Variants in PRKAR2B observed in about 807,000 individuals in gnomAD.
PRKAR2B encodes the protein cAMP-dependent protein kinase type II-beta regulatory subunit.
PRKAR2B carries 14 observed loss-of-function variants against 49.9 expected under a neutral mutation model. The ratio of observed to expected loss-of-function variants is 0.28; its 90% CI spans 0.19 to 0.44. The LOEUF (loss-of-function observed/expected upper bound fraction) is 0.44. PRKAR2B is among the 20% of genes least tolerant of loss of function. The pLI is 1.00. For synonymous variants in PRKAR2B, 196 were observed against 197.7 expected (o/e 0.99, Z 0.07); for missense variants, 393 against 537.9 (o/e 0.73, Z 2.67).
intron 2 of PRKAR2B, among the ~76,000 whole-genome samples, chr7:107,093,889 A>G (rs940149362): frequency 6.6e-6 from 1 of 152,064 alleles, no homozygotes; most frequent in African/African-American, 2.4e-5. Flanking sequence ...TATGTGCCAC[A>G]TTTCCTTAAT....
chr7:107,099,568 G>A (rs185356727), intron 2 of PRKAR2B, among the ~76,000 whole-genome samples: 11 of 152,006 alleles, frequency 7.2e-5, no homozygotes, highest in Non-Finnish European at 1.0e-4. Context: ...GAAATCACCC[G>A]TCTTCTGCGT....
intron 2 of PRKAR2B, among the ~76,000 whole-genome samples, chr7:107,117,230 A>AT (rs1006863659): frequency 5.3e-5 from 8 of 151,128 alleles, no homozygotes; most frequent in South Asian, 2.1e-4. Context: ...GAAAAAGGTA[A>AT]TTTTTTTTTC....
At chr7:107,112,637 G>A (rs1320703799) in intron 2 of PRKAR2B, among the ~76,000 whole-genome samples, 3 of 151,196 alleles carry the variant, frequency 2.0e-5, no homozygotes, top group African/African-American at 7.3e-5. Flanking sequence ...AGAAAATAAC[G>A]CGTGAAAAAA....
At chr7:107,092,266 T>C (rs1357179808) in intron 2 of PRKAR2B, among the ~76,000 whole-genome samples, 2 of 149,206 alleles carry the variant, frequency 1.3e-5, no homozygotes, top group Admixed American at 6.7e-5. Context: ...TGTGTGTGTG[T>C]GTGCGTGTGT....
At chr7:107,100,683 T>G (rs1373722820) in intron 2 of PRKAR2B, among the ~76,000 whole-genome samples, 1 of 152,158 alleles carries the variant, frequency 6.6e-6, no homozygotes, top group Non-Finnish European at 1.5e-5. Context: ...TATTCATTCT[T>G]TTTTTCCGTT....
chr7:107,106,726 G>A (rs1013620359), intron 2 of PRKAR2B, among the ~76,000 whole-genome samples: 3 of 152,122 alleles, frequency 2.0e-5, no homozygotes, highest in African/African-American at 4.8e-5. Flanking sequence ...AAAAGCCGGA[G>A]GGGTGTTTGG....
intron 1 of PRKAR2B, among the ~76,000 whole-genome samples, chr7:107,060,858 CTCTT>C (rs1278859502): frequency 6.6e-6 from 1 of 152,006 alleles, no homozygotes; most frequent in Non-Finnish European, 1.5e-5. Flanking sequence ...AAAAGGTAAT[CTCTT>C]TATTTTCCTG....
intron 2 of PRKAR2B, among the ~76,000 whole-genome samples, chr7:107,096,997 G>T (rs1055072911): frequency 3.9e-5 from 6 of 152,204 alleles, no homozygotes; most frequent in Non-Finnish European, 1.5e-5. Context: ...TTGATTTGGG[G>T]TGGAGAGTTC....
intron 1 of PRKAR2B, among the ~76,000 whole-genome samples, chr7:107,053,531 T>TGA (rs1793851095): frequency 7.9e-6 from 1 of 126,720 alleles, no homozygotes; most frequent in Non-Finnish European, 1.6e-5. Flanking sequence ...AAAGAGTGTG[T>TGA]GTGTGTGTGT....
intron 2 of PRKAR2B, among the ~76,000 whole-genome samples, chr7:107,083,127 C>G (rs945122256): frequency 6.6e-6 from 1 of 151,230 alleles, no homozygotes; most frequent in Non-Finnish European, 1.5e-5. Flanking sequence ...GCTTGTAATC[C>G]CAGCAATTTG....
At chr7:107,057,479 A>G (rs1010810805) in intron 1 of PRKAR2B, among the ~76,000 whole-genome samples, 1 of 152,150 alleles carries the variant, frequency 6.6e-6, no homozygotes, top group Admixed American at 6.5e-5. Flanking sequence ...GCAAAAATAA[A>G]CCAGATTGCT....
At chr7:107,090,185 C>T (rs1006525204) in intron 2 of PRKAR2B, among the ~76,000 whole-genome samples, 4 of 152,132 alleles carry the variant, frequency 2.6e-5, no homozygotes, top group African/African-American at 9.7e-5. Flanking sequence ...GGTAGGGGTG[C>T]AGTTGGATTT....
intron 2 of PRKAR2B, among the ~76,000 whole-genome samples, chr7:107,076,883 AT>A (rs1013198319): frequency 4.6e-5 from 7 of 152,236 alleles, no homozygotes; most frequent in African/African-American, 1.7e-4. Flanking sequence ...AGAAATGATT[AT>A]TCCCCAAGAA....
At chr7:107,128,081 C>A in intron 3 of PRKAR2B, 131 bp from the exon 4 acceptor site, 1 of 638,216 alleles carries the variant, frequency 1.6e-6, no homozygotes, top group Non-Finnish European at 2.7e-6. Flanking sequence ...TCAGCACCAA[C>A]CTGAAGCAAA....
intron 1 of PRKAR2B, among the ~76,000 whole-genome samples, chr7:107,060,478 C>T (rs2116759138): frequency 6.6e-6 from 1 of 152,312 alleles, no homozygotes; most frequent in East Asian, 1.9e-4. Flanking sequence ...CCTCTTATTG[C>T]TAGTGACATT....
chr7:107,088,624 C>T (rs576124530), intron 2 of PRKAR2B, among the ~76,000 whole-genome samples: 1 of 152,190 alleles, frequency 6.6e-6, no homozygotes, highest in East Asian at 1.9e-4. Context: ...TATTTCGAGA[C>T]ACTCTTGCTC....
At chr7:107,058,654 T>A (rs944107448) in intron 1 of PRKAR2B, among the ~76,000 whole-genome samples, 3 of 152,230 alleles carry the variant, frequency 2.0e-5, no homozygotes, top group African/African-American at 7.2e-5. Flanking sequence ...TTCCTTGAAA[T>A]ACCTTTCTTG....
chr7:107,069,150 G>C (rs999203953), intron 1 of PRKAR2B, among the ~76,000 whole-genome samples: 2 of 152,146 alleles, frequency 1.3e-5, no homozygotes, highest in Admixed American at 6.5e-5. Flanking sequence ...TGGCCATGCT[G>C]GTCTCAAACT....
chr7:107,137,200 C>G (rs551122750), intron 4 of PRKAR2B, among the ~76,000 whole-genome samples: 186 of 152,314 alleles, frequency 1.2e-3, no homozygotes, highest in African/African-American at 2.2e-3. Flanking sequence ...ACCCAACAGT[C>G]CCAGTTATGG....
Sources: gnomAD v4.1 joint callset for allele counts (sites outside exome capture counted in the v4.1 genomes callset) on GRCh38, gnomAD v4.1.1 for gene constraint, MANE v1.5 for transcripts, NCBI Gene and HGNC (gene_info 2026-07-23, HGNC 2026-07-21) for gene names.